The following SPAG16 variants were observed in gnomAD, a reference collection of about 807,000 sequenced individuals.
SPAG16 encodes the protein sperm associated antigen 16.
SPAG16 carries 86 observed loss-of-function variants against 80.4 expected under a neutral mutation model. The observed-to-expected ratio is 1.07, with a 90% CI of 0.90 to 1.28. The LOEUF is 1.28. SPAG16 is among the 50% of genes most tolerant of loss of function. The pLI is 0.00. For missense variants in SPAG16, 870 were observed against 765.3 expected (o/e 1.14, Z -1.61); for synonymous variants, 294 against 265.9 (o/e 1.11, Z -1.03).
At chr2:214,122,314 C>T (rs1247227599) in intron 14 of SPAG16, among the ~76,000 whole-genome samples, 2 of 151,720 alleles carry the variant, frequency 1.3e-5, no homozygotes, top group African/African-American at 2.4e-5. Context: ...ATATGTTATA[C>T]AATAATTAGG....
chr2:213,378,762 T>C (rs889046887), intron 9 of SPAG16, among the ~76,000 whole-genome samples: 2 of 152,162 alleles, frequency 1.3e-5, no homozygotes, highest in African/African-American at 2.4e-5. Flanking sequence ...AGGTTGTGGA[T>C]TTTTTCCTGG....
chr2:214,254,740 T>C (rs981140091), intron 15 of SPAG16, among the ~76,000 whole-genome samples: 1 of 152,054 alleles, frequency 6.6e-6, no homozygotes, highest in Non-Finnish European at 1.5e-5. Context: ...AAAAATTAAT[T>C]ACAGTCATAT....
chr2:213,536,461 CCTATTTCT>C (rs1333896269), intron 10 of SPAG16, among the ~76,000 whole-genome samples: 7 of 152,140 alleles, frequency 4.6e-5, no homozygotes, highest in Non-Finnish European at 1.0e-4. Flanking sequence ...TAAAAGTGTT[CCTATTTCT>C]CCACATCCTC....
chr2:213,370,686 C>T (rs1444507645), intron 8 of SPAG16, among the ~76,000 whole-genome samples: 1 of 152,142 alleles, frequency 6.6e-6, no homozygotes, highest in African/African-American at 2.4e-5. Flanking sequence ...ATATATTTAT[C>T]CTTGACATAT....
chr2:214,323,177 T>G (rs1338887930), intron 15 of SPAG16, among the ~76,000 whole-genome samples: 1 of 152,146 alleles, frequency 6.6e-6, no homozygotes, highest in Non-Finnish European at 1.5e-5. Flanking sequence ...TATCCTAATA[T>G]AAAAAGCCTG....
chr2:213,834,099 C>T (rs999490014), intron 10 of SPAG16, among the ~76,000 whole-genome samples: 1 of 152,228 alleles, frequency 6.6e-6, no homozygotes, highest in Middle Eastern at 3.4e-3. Flanking sequence ...GCTTTTGCTT[C>T]TTCCTTGTTT....
chr2:213,949,869 G>T (rs950209686), intron 12 of SPAG16, among the ~76,000 whole-genome samples: 1 of 152,140 alleles, frequency 6.6e-6, no homozygotes. Context: ...TAATTGAAAT[G>T]ACTTCTTTCT....
intron 15 of SPAG16, among the ~76,000 whole-genome samples, chr2:214,200,248 G>A (rs1232467336): frequency 6.6e-6 from 1 of 152,016 alleles, no homozygotes; most frequent in Non-Finnish European, 1.5e-5. Flanking sequence ...TTTATTACTC[G>A]AAGGTAAGTC....
intron 13 of SPAG16, among the ~76,000 whole-genome samples, chr2:214,104,640 G>A (rs1457459008): frequency 2.0e-5 from 3 of 152,126 alleles, no homozygotes; most frequent in African/African-American, 7.2e-5. Flanking sequence ...TGTTTGAGCA[G>A]CTGGTGATGC....
At chr2:214,011,376 G>A (rs2047274112) in intron 12 of SPAG16, among the ~76,000 whole-genome samples, 1 of 137,306 alleles carries the variant, frequency 7.3e-6, no homozygotes, top group Non-Finnish European at 1.6e-5. Flanking sequence ...CCTCAAAAAA[G>A]ATTAAATGTC....
chr2:213,423,664 A>G (rs2069735943), intron 9 of SPAG16, among the ~76,000 whole-genome samples: 1 of 152,236 alleles, frequency 6.6e-6, no homozygotes, highest in South Asian at 2.1e-4. Context: ...AACGAAAGAC[A>G]GTTTGTATAT....
At chr2:214,047,437 C>T (rs2049390371) in intron 13 of SPAG16, among the ~76,000 whole-genome samples, 1 of 151,986 alleles carries the variant, frequency 6.6e-6, no homozygotes, top group Non-Finnish European at 1.5e-5. Flanking sequence ...GAACACACAC[C>T]TGGGGGAAAA....
At position 213,660,101 on chromosome 2, in the gene SPAG16, A is replaced by G. The variant is rs151153484; in HGVS notation, c.1070+170011A>G. On this transcript the variant is annotated intron_variant, in intron 10 of 15. Transcript: ENST00000331683. ...TGCCATGTTGCTCATGCACTTTAAT[A>G]CTAGAGAACAACTGCTTTCACATAT... 1.8e-3 allele frequency among the ~76,000 whole-genome samples: 272 copies of G among 152,310 alleles called. 1 individual carries two copies. In the East Asian group the frequency reaches 0.025, roughly 14 times the overall value.
At chr2:213,342,307 TA>T (rs968120023) in intron 6 of SPAG16, among the ~76,000 whole-genome samples, 40 of 145,610 alleles carry the variant, frequency 2.7e-4, no homozygotes, top group African/African-American at 8.8e-4. Context: ...GACATATGTG[TA>T]TATATATGTT....
chr2:213,372,678 A>G (rs368721421), intron 8 of SPAG16, among the ~76,000 whole-genome samples: 2 of 152,082 alleles, frequency 1.3e-5, no homozygotes, highest in African/African-American at 4.8e-5. Context: ...TTTAGTTTAC[A>G]TGTGTCCTAA....
At chr2:214,092,734 G>A (rs2052305315) in intron 13 of SPAG16, among the ~76,000 whole-genome samples, 1 of 152,078 alleles carries the variant, frequency 6.6e-6, no homozygotes, top group South Asian at 2.1e-4. Flanking sequence ...CTGTGATCCT[G>A]GAGCTGAAAT....
intron 10 of SPAG16, among the ~76,000 whole-genome samples, chr2:213,535,508 A>G (rs2076212392): frequency 6.6e-6 from 1 of 152,144 alleles, no homozygotes; most frequent in East Asian, 1.9e-4. Context: ...TCCTGAGATA[A>G]AAATATTAAA....
intron 14 of SPAG16, among the ~76,000 whole-genome samples, chr2:214,145,186 A>G (rs1489906585): frequency 6.6e-6 from 1 of 152,040 alleles, no homozygotes; most frequent in African/African-American, 2.4e-5. Flanking sequence ...GTTTTACCAT[A>G]TATAAATACA....
At chr2:213,287,866 G>A (rs1176881172) in intron 1 of SPAG16, among the ~76,000 whole-genome samples, 1 of 152,148 alleles carries the variant, frequency 6.6e-6, no homozygotes, top group African/African-American at 2.4e-5. Context: ...TAGCAAGCCT[G>A]TAGATAAATA....
Sources: gnomAD v4.1 joint callset for allele counts (sites outside exome capture counted in the v4.1 genomes callset) on GRCh38, gnomAD v4.1.1 for gene constraint, MANE v1.5 for transcripts, NCBI Gene and HGNC (gene_info 2026-07-23, HGNC 2026-07-21) for gene names.